Variants in XPC observed in about 807,000 individuals in gnomAD.
The protein encoded by XPC is XPC complex subunit, DNA damage recognition and repair factor.
In XPC, 76 loss-of-function variants were observed where a neutral mutation model predicts 95.8. The ratio of observed to expected loss-of-function variants is 0.79; its 90% CI spans 0.66 to 0.96. The LOEUF (loss-of-function observed/expected upper bound fraction) is 0.96, where lower values mean the gene tolerates loss of function less well. Among genes scored for constraint, XPC ranks in the 40% least tolerant of loss-of-function variants. XPC has a pLI of 0.00. For synonymous variants in XPC, 442 were observed against 442.1 expected, an observed-to-expected ratio of 1.00 and a Z score of 0.00; for missense variants, 1,146 against 1,179.8, an observed-to-expected ratio of 0.97 and a Z score of 0.42.
chr3:14,159,197 C>T (rs746752737), intron 8 of XPC, among the ~76,000 whole-genome samples: 4 of 152,186 alleles, frequency 2.6e-5, no homozygotes, highest in South Asian at 2.1e-4. Context: ...TTATTGGTTA[C>T]GTAAATTAGG....
chr3:14,158,118 A>G lies in XPC; in HGVS notation c.1765T>C (p.Trp589Arg). The change falls in exon 9 of 16, where the codon TGG becomes CGG. Residue 589 changes from tryptophan to arginine, a missense_variant. By Grantham distance (101) the Trp-to-Arg change is moderately radical. Coordinates refer to ENST00000285021, the MANE Select transcript of XPC (RefSeq NM_004628.5). The surrounding 1 kb of genome is among the most constrained non-coding windows in gnomAD (Gnocchi z 5.2). The part of the protein sequence containing the change: ...RDVTQRYDPV[W>R]MTVTRKCRVD... ...CGGCACTTGCGGGTCACTGTCATCC[A>G]GACTGGGTCGTACCTCTGTGTGACA... 1 of 1,613,932 alleles carries G rather than the reference A, an allele frequency of 6.2e-7. No homozygotes were observed. The highest frequency in any genetic ancestry group is 8.5e-7 in the Non-Finnish European group (1 of 1,179,880).
In XPC at chr3:14,148,546, A is replaced by G; in HGVS notation, c.2420+16T>C. On this transcript the variant is annotated intron_variant, in intron 13 of 15. Coordinates refer to ENST00000285021, the MANE Select transcript of XPC (RefSeq NM_004628.5). Reference sequence around the variant, plus strand: ...CCATCCCTGTGTTTAGCCTCCATCGAAGGCCCCTCACGCACACGGGATGGG... The same window carrying G: ...CCATCCCTGTGTTTAGCCTCCATCGGAGGCCCCTCACGCACACGGGATGGG... The G allele has an allele frequency of 6.2e-7, 1 of 1,613,174 alleles. No individual in the cohort carries two copies. The highest frequency in any genetic ancestry group is 8.5e-7 in the Non-Finnish European group (1 of 1,179,724).
rs1446042591 is a variant in XPC at position 14,156,354 on chromosome 3, C to G, written c.2014G>C (p.Gly672Arg). 2.5e-6 allele frequency: 4 copies of G among 1,613,740 alleles called. No homozygotes were observed. In the South Asian group the frequency reaches 4.4e-5, roughly 18 times the overall value. ...ACGCACCTGGAGTAGACCGCTTCTCCACGACAATACCCAAGGATGGCAGCT... is the reference window on the plus strand; with the variant it reads ...ACGCACCTGGAGTAGACCGCTTCTCGACGACAATACCCAAGGATGGCAGCT... ...ETAAILGYCR[G>R]EAVYSRDCVH... Residue 672 changes from glycine to arginine, a missense_variant, in exon 10 of 16, where the codon GGA becomes CGA. Gly to Arg is a moderately radical substitution (Grantham distance 125). Coordinates refer to ENST00000285021, the MANE Select transcript of XPC (RefSeq NM_004628.5).
At chr3:14,155,675 A>C (rs1407854653) in intron 10 of XPC, among the ~76,000 whole-genome samples, 1 of 152,010 alleles carries the variant, frequency 6.6e-6, no homozygotes, top group Non-Finnish European at 1.5e-5. Context: ...CTCCTGCCTC[A>C]GCCTCTCCGA....
intron 11 of XPC, chr3:14,150,030 G>T (rs1411261535): frequency 6.6e-6 from 1 of 152,230 alleles, no homozygotes; most frequent in Non-Finnish European, 1.5e-5. Context: ...TACAATTCAG[G>T]TAACTGTCCA....
rs1696086432 is a variant in XPC at position 14,159,674 on chromosome 3, C to T, written c.990+67G>A. 5 of 1,420,332 alleles carry T rather than the reference C, an allele frequency of 3.5e-6. No homozygotes were observed. The Admixed American group carries it at 1.0e-4, about 29-fold the overall frequency. 88.0% of individuals were successfully genotyped at this position (1,420,332 alleles called of 1,614,324 possible). A position where few individuals can be genotyped will look rare whatever the true frequency, so the allele number is the denominator to read the frequency against. On this transcript the variant is annotated intron_variant, in intron 8 of 15. Coordinates refer to ENST00000285021, the MANE Select transcript of XPC (RefSeq NM_004628.5). ...AGCTCTTAAAAAATATAATAATGAT[C>T]AATTTTTTTAAGTGTGACAATTTCC...
At chr3:14,157,917 C>A (rs1268329232) in intron 9 of XPC, 94 bp downstream of exon 9, 1 of 1,472,058 alleles carries the variant, frequency 6.8e-7, no homozygotes, top group Non-Finnish European at 9.1e-7. Flanking sequence ...TAAAAACACC[C>A]AACATAGTGC....
rs1462270390 is a variant in XPC at position 14,145,925 on chromosome 3, C to T, written c.*16G>A. 6.3e-7 allele frequency: 1 copy of T among 1,597,462 alleles called. No individual in the cohort carries two copies. The highest frequency in any genetic ancestry group is 1.7e-5 in the Admixed American group (1 of 59,156). On this transcript the variant is annotated 3_prime_UTR_variant, in exon 16 of 16. Coordinates refer to ENST00000285021, the MANE Select transcript of XPC (RefSeq NM_004628.5). The stretch of plus-strand genomic sequence containing the variant: ...GCAGCAGCAACTGGTGGGTGCCCCT[C>T]TAGTGGGCGCTCAGCTCACAGCTGC...
chr3:14,170,391 A>G (rs1429490765), intron 3 of XPC, 47 bp downstream of exon 3: 1 of 1,583,706 alleles, frequency 6.3e-7, no homozygotes, highest in Non-Finnish European at 8.7e-7. Context: ...TCAAACAAAA[A>G]AACAAACAGA....
At chr3:14,173,843 T>A (rs746077817) in intron 1 of XPC, among the ~76,000 whole-genome samples, 1 of 152,152 alleles carries the variant, frequency 6.6e-6, no homozygotes, top group Non-Finnish European at 1.5e-5. Context: ...TTATCTTGAA[T>A]CTGAAATAAA....
chr3:14,154,988 CT>C (rs1224951855), intron 10 of XPC, among the ~76,000 whole-genome samples: 1 of 152,202 alleles, frequency 6.6e-6, no homozygotes, highest in African/African-American at 2.4e-5. Context: ...TCCCAACAGG[CT>C]TTCTCCCGAC....
At chr3:14,163,585 C>T (rs552983158) in intron 7 of XPC, among the ~76,000 whole-genome samples, 6 of 151,772 alleles carry the variant, frequency 4.0e-5, no homozygotes, top group East Asian at 3.9e-4. Flanking sequence ...GTGGTTGCCA[C>T]GAGCAGGGAC....
intron 1 of XPC, 78 bp from the exon 2 acceptor site, chr3:14,173,140 A>C: frequency 2.4e-4 from 318 of 1,347,966 alleles, no homozygotes; most frequent in East Asian, 5.1e-4. Context: ...AGGGGCATAA[A>C]ACGGCTCTAT....
At chr3:14,152,608 G>A (rs1695740138) in intron 10 of XPC, 192 bp from the exon 11 acceptor site, 2 of 534,196 alleles carry the variant, frequency 3.7e-6, no homozygotes, top group Admixed American at 3.8e-5. Context: ...TGTCTTTTGG[G>A]GGATGTGTCC....
chr3:14,178,385 G>A, intron 1 of XPC, 81 bp downstream of exon 1: 3 of 1,466,360 alleles, frequency 2.0e-6, no homozygotes, highest in South Asian at 1.3e-5. Context: ...AGGCCTCCGC[G>A]TCTGGACTCC....
At chr3:14,155,833 C>T (rs1363398661) in intron 10 of XPC, among the ~76,000 whole-genome samples, 1 of 152,184 alleles carries the variant, frequency 6.6e-6, no homozygotes, top group Non-Finnish European at 1.5e-5. Context: ...GCTGGGATTA[C>T]AAGCGTGAGC....
intron 14 of XPC, 190 bp from the exon 15 acceptor site, chr3:14,147,569 CA>C: frequency 1.6e-6 from 1 of 636,116 alleles, no homozygotes; most frequent in Non-Finnish European, 2.7e-6. Context: ...CTGAAAGCCA[CA>C]AAAACAGATA....
intron 1 of XPC, among the ~76,000 whole-genome samples, chr3:14,176,165 T>C (rs575198793): frequency 2.6e-5 from 4 of 152,304 alleles, no homozygotes; most frequent in South Asian, 2.1e-4. Flanking sequence ...AAACTAAGAA[T>C]TGAAGCTCTA....
intron 13 of XPC, 26 bp from the exon 14 acceptor site, chr3:14,148,027 C>A: frequency 6.5e-7 from 1 of 1,541,686 alleles, no homozygotes. Flanking sequence ...GCGATGTCAA[C>A]CCTCGAACCT....
Sources: gnomAD v4.1 joint callset for allele counts (sites outside exome capture counted in the v4.1 genomes callset) on GRCh38, gnomAD v4.1.1 for gene constraint, Gnocchi (gnomAD v3.1) non-coding constraint, MANE v1.5 for transcripts, NCBI Gene and HGNC (gene_info 2026-07-23, HGNC 2026-07-21) for gene names.